Variants in ZFYVE26 observed in about 807,000 individuals in gnomAD.
The protein encoded by ZFYVE26 is zinc finger FYVE-type containing 26.
In ZFYVE26, 181 loss-of-function variants were observed where a neutral mutation model predicts 276.5. The observed-to-expected ratio is 0.65, with a 90% CI of 0.58 to 0.74. ZFYVE26 has a LOEUF of 0.74. ZFYVE26 is among the 30% of genes least tolerant of loss of function. The pLI is 0.00. For missense variants in ZFYVE26, 2,821 were observed against 3,097.9 expected, an observed-to-expected ratio of 0.91 and a Z score of 2.12; for synonymous variants, 1,129 against 1,203.1, an observed-to-expected ratio of 0.94 and a Z score of 1.27.
chr14:67,800,104 G>A (rs182706080), intron 10 of ZFYVE26, among the ~76,000 whole-genome samples: 233 of 152,294 alleles, frequency 1.5e-3, no homozygotes, highest in African/African-American at 5.4e-3. Flanking sequence ...GTTTTGTACT[G>A]ATGTACAGGT....
intron 23 of ZFYVE26, among the ~76,000 whole-genome samples, chr14:67,779,642 G>T (rs771317401): frequency 5.9e-5 from 9 of 152,138 alleles, no homozygotes; most frequent in Non-Finnish European, 1.2e-4. Context: ...GAGTGTAACT[G>T]GGGTGAGTGT....
At chr14:67,744,693 T>G (rs1173521229), downstream of ZFYVE26, among the ~76,000 whole-genome samples, 1 of 152,230 alleles carries the variant, frequency 6.6e-6, no homozygotes, top group East Asian at 1.9e-4. Context: ...GTTAGTTTGC[T>G]GAGAATGATG....
At position 67,772,061 on chromosome 14, in the gene ZFYVE26, C is replaced by G; in HGVS notation, c.5470G>C (p.Glu1824Gln). 1.9e-6 allele frequency: 3 copies of G among 1,611,320 alleles called. No homozygotes were observed. Among genetic ancestry groups the G allele is most frequent in the Non-Finnish European group, 2.5e-6 (3 of 1,179,488 alleles). ...TESICMVCCREHFTMFNRRHH... is the reference protein window; with the variant it reads ...TESICMVCCRQHFTMFNRRHH... ...ATGCTGCTTACCATGGTGAAGTGCT[C>G]CCTGCAGCAGACCATGCAGATACTC... is the stretch of plus-strand genomic sequence containing the variant. Residue 1824 changes from glutamate to glutamine, a missense_variant, in exon 28 of 42, where the codon GAG becomes CAG. Coordinates refer to ENST00000347230, the MANE Select transcript of ZFYVE26 (RefSeq NM_015346.4).
Position 67,754,152 on chromosome 14 carries a change from A to T in ZFYVE26, c.7047T>A (p.Ser2349Arg). The T allele has an allele frequency of 6.2e-7, 1 of 1,614,272 alleles. No individual in the cohort carries two copies. Among genetic ancestry groups the T allele is most frequent in the Non-Finnish European group, 8.5e-7 (1 of 1,180,050 alleles). ...AAGTGGTGATTTGAGAGGTCCCAGC[A>T]CTTTCGCACCGATGCAAGAACCTGG... ...EVTRFLHRCE[S>R]AGTSQITTLP... The change falls in exon 38 of 42, where the codon AGT (serine) becomes AGA (arginine). Residue 2349 changes from serine to arginine, a missense_variant. By Grantham distance (110) the Ser-to-Arg change is moderately radical. Coordinates refer to ENST00000347230, the MANE Select transcript of ZFYVE26 (RefSeq NM_015346.4).
Position 67,755,050 on chromosome 14 carries a change from C to T in ZFYVE26, c.6986+1G>A. 2 of 1,613,870 alleles carry T rather than the reference C, an allele frequency of 1.2e-6. No homozygotes were observed. Among genetic ancestry groups the T allele is most frequent in the Non-Finnish European group, 1.7e-6 (2 of 1,180,018 alleles). ...CAATAGTCCCCTGAACCTCCAGCTA[C>T]CTTGACACATCAGCTGCAGTCATCT... On this transcript the variant is annotated splice_donor_variant, in intron 37 of 41. Transcript: ENST00000347230. LOFTEE classifies it high-confidence loss of function.
rs768632923 is a variant in ZFYVE26, at chr14:67,785,928, G to A, written c.3234C>T (p.Ala1078=). ...CWPSLSEDCV[A]SHTTLSQQLD... Reference sequence around the variant, plus strand: ...GCTGCTGGGAGAGGGTGGTGTGGCTGGCAACACAGTCCTCGCTTAGGCTGG... The same window carrying A: ...GCTGCTGGGAGAGGGTGGTGTGGCTAGCAACACAGTCCTCGCTTAGGCTGG... The change falls in exon 18 of 42, where the codon GCC becomes GCT. Residue 1078 remains alanine (A), a synonymous_variant. Coordinates refer to ENST00000347230, the MANE Select transcript of ZFYVE26 (RefSeq NM_015346.4). 1.9e-6 allele frequency: 3 copies of A among 1,614,058 alleles called. No individual in the cohort carries two copies. The highest frequency in any genetic ancestry group is 2.7e-5 in the African/African-American group (2 of 74,922).
At chr14:67,776,587 G>A (rs1490109448) in intron 25 of ZFYVE26, among the ~76,000 whole-genome samples, 2 of 152,172 alleles carry the variant, frequency 1.3e-5, no homozygotes, top group Non-Finnish European at 2.9e-5. Flanking sequence ...CCACCATTCT[G>A]TTTATTTGAG....
Position 67,780,102 on chromosome 14 carries a change from G to A in ZFYVE26, c.4674+139C>T, listed in dbSNP as rs563996619. 2.3e-5 allele frequency: 19 copies of A among 823,870 alleles called. No homozygotes were observed. In the East Asian group the frequency reaches 3.1e-4, roughly 13 times the overall value. The allele number at this position is 823,870 out of a possible 1,614,324, so 51.0% of individuals were successfully genotyped here. A position where few individuals can be genotyped will look rare whatever the true frequency, so the allele number is the denominator to read the frequency against. Reference sequence around the variant, plus strand: ...TCTCGATCTCCTGACCTTGTGAGCCGCCCGCCTCGGCCAGAATGTGGTATA... The same window carrying A: ...TCTCGATCTCCTGACCTTGTGAGCCACCCGCCTCGGCCAGAATGTGGTATA... On this transcript the variant is annotated intron_variant, in intron 23 of 41. Coordinates refer to ENST00000347230, the MANE Select transcript of ZFYVE26 (RefSeq NM_015346.4).
At chr14:67,790,172 C>T (rs1485910894) in intron 15 of ZFYVE26, among the ~76,000 whole-genome samples, 1 of 152,154 alleles carries the variant, frequency 6.6e-6, no homozygotes, top group Non-Finnish European at 1.5e-5. Flanking sequence ...GAATTCTAGG[C>T]CTTAAATTTT....
chr14:67,805,674 C>G, intron 6 of ZFYVE26, 56 bp from the exon 7 acceptor site: 1 of 1,573,944 alleles, frequency 6.4e-7, no homozygotes, highest in Non-Finnish European at 8.7e-7. Flanking sequence ...AGAATGGGTT[C>G]TAGCTTACTG....
chr14:67,760,082 G>A (rs1368589918), intron 35 of ZFYVE26, among the ~76,000 whole-genome samples: 1 of 152,138 alleles, frequency 6.6e-6, no homozygotes, highest in Non-Finnish European at 1.5e-5. Context: ...ATAAAGCAAG[G>A]GCACTGCTGT....
chr14:67,767,954 CTT>C, intron 30 of ZFYVE26, 114 bp from the exon 31 acceptor site: 1 of 1,432,980 alleles, frequency 7.0e-7, no homozygotes, highest in South Asian at 1.2e-5. Flanking sequence ...CTCAGGGCCC[CTT>C]TCTCTCTCCT....
At position 67,813,899 on chromosome 14, in the gene ZFYVE26, G is replaced by A. The variant is rs563905666; in HGVS notation, c.273+87C>T. 251 of 930,552 alleles carry A rather than the reference G, an allele frequency of 2.7e-4. 4 individuals carry two copies. In the South Asian group the frequency reaches 3.4e-3, roughly 13 times the overall value. 57.6% of individuals were successfully genotyped at this position (930,552 alleles called of 1,614,324 possible). On this transcript the variant is annotated intron_variant, in intron 3 of 41. Coordinates refer to ENST00000347230, the MANE Select transcript of ZFYVE26 (RefSeq NM_015346.4). ...TATGATGAATTTAATGATAAAGGAAGTAACAGACAGAAGGGAAATCCCACA... is the reference window on the plus strand; with the variant it reads ...TATGATGAATTTAATGATAAAGGAAATAACAGACAGAAGGGAAATCCCACA...
intron 10 of ZFYVE26, among the ~76,000 whole-genome samples, chr14:67,801,254 G>GA (rs959440250): frequency 1.7e-3 from 227 of 136,372 alleles, no homozygotes; most frequent in African/African-American, 4.2e-3. Context: ...CTGTCTCAAA[G>GA]AAAAAAAAAA....
intron 28 of ZFYVE26, among the ~76,000 whole-genome samples, chr14:67,771,136 T>C (rs1460172869): frequency 1.3e-5 from 2 of 152,196 alleles, no homozygotes; most frequent in African/African-American, 4.8e-5. Context: ...CACCCTCCTC[T>C]GTCTCAAGTA....
At position 67,751,069 on chromosome 14, in the gene ZFYVE26, G is replaced by T. The variant is rs374750011; in HGVS notation, c.7399C>A (p.His2467Asn). The T allele has an allele frequency of 6.2e-7, 1 of 1,614,208 alleles. No homozygotes were observed. The highest frequency in any genetic ancestry group is 8.5e-7 in the Non-Finnish European group (1 of 1,180,044). ...QELEGLIQAI[H>N]NDDNKVRAYL... ...CCGCTCACCTTGTTGTCATCATTGT[G>T]TATTGCCTGGATCAGGCCCTCCAGC... Residue 2467 changes from histidine to asparagine, a missense_variant, in exon 41 of 42, where the codon CAC becomes AAC. Transcript: ENST00000347230.
chr14:67,737,016 C>A (rs1566854755), intron 13 of ZFYVE26, among the ~76,000 whole-genome samples: 1 of 151,860 alleles, frequency 6.6e-6, no homozygotes. Flanking sequence ...TAGATAAAAA[C>A]TCAGCTGAGA....
intron 13 of ZFYVE26, among the ~76,000 whole-genome samples, chr14:67,731,207 CTTTTT>C (rs71129853): frequency 9.9e-5 from 9 of 90,618 alleles, no homozygotes; most frequent in South Asian, 4.6e-4. Flanking sequence ...TTCTTTCTTT[CTTTTT>C]TTTTTTTTTT....
In ZFYVE26 at chr14:67,755,248, G is replaced by A. The variant is rs372463199; in HGVS notation, c.6789C>T (p.Asp2263=). ...ILYELQQFMK[D]QVRAAMTCIR... is the part of the protein sequence containing the mutation. ...TACAGGTCATGGCGGCCCGAACTTGGTCCTAGAAGAGGAAAATAAATGTTC... is the reference window on the plus strand; with the variant it reads ...TACAGGTCATGGCGGCCCGAACTTGATCCTAGAAGAGGAAAATAAATGTTC... The change falls in exon 37 of 42, where the codon GAC becomes GAT. Residue 2263 remains aspartate, a splice_region_variant and synonymous_variant. Coordinates refer to ENST00000347230, the MANE Select transcript of ZFYVE26 (RefSeq NM_015346.4). 5.1e-5 allele frequency: 83 copies of A among 1,614,138 alleles called. No individual in the cohort carries two copies. The Middle Eastern group carries it at 6.6e-4, about 13-fold the overall frequency.
Sources: gnomAD v4.1 joint callset for allele counts (sites outside exome capture counted in the v4.1 genomes callset) on GRCh38, gnomAD v4.1.1 for gene constraint, MANE v1.5 for transcripts, NCBI Gene and HGNC (gene_info 2026-07-23, HGNC 2026-07-21) for gene names.